The following DCC variants were observed in gnomAD, a reference collection of about 807,000 sequenced individuals.
DCC encodes DCC netrin 1 receptor.
DCC carries 58 observed loss-of-function variants against 172.5 expected under a neutral mutation model. The observed-to-expected ratio is 0.34, with a 90% CI of 0.27 to 0.42. The LOEUF (loss-of-function observed/expected upper bound fraction) is 0.42, where lower values mean the gene tolerates loss of function less well. Ranked by LOEUF, DCC falls within the 10% of genes least tolerant of loss-of-function variation. DCC has a pLI of 1.00. For missense variants in DCC, 1,740 were observed against 1,791.0 expected (o/e 0.97, Z 0.51); for synonymous variants, 709 against 644.5 (o/e 1.10, Z -1.52).
chr18:52,708,124 T>C (rs114260902), intron 1 of DCC, among the ~76,000 whole-genome samples: 3,380 of 152,234 alleles, frequency 0.022, 121 homozygotes, highest in African/African-American at 0.076. Context: ...TATACAACTT[T>C]TATTTGTCAA....
intron 1 of DCC, among the ~76,000 whole-genome samples, chr18:52,722,976 G>A (rs886937382): frequency 6.6e-6 from 1 of 152,162 alleles, no homozygotes; most frequent in Non-Finnish European, 1.5e-5. Flanking sequence ...GTTTGGTTAG[G>A]TATGCAACTC....
chr18:52,934,491 G>T (rs1480500435), intron 5 of DCC, among the ~76,000 whole-genome samples: 1 of 151,896 alleles, frequency 6.6e-6, no homozygotes, highest in Non-Finnish European at 1.5e-5. Flanking sequence ...TTTTATCTAT[G>T]TTATCTGAGT....
At chr18:53,301,975 T>C (rs1405906538) in intron 12 of DCC, among the ~76,000 whole-genome samples, 2 of 152,186 alleles carry the variant, frequency 1.3e-5, no homozygotes, top group Non-Finnish European at 2.9e-5. Context: ...AAGCTAGAAG[T>C]CCAAGATCAA....
chr18:53,173,221 C>G (rs2055039701), intron 8 of DCC, among the ~76,000 whole-genome samples: 1 of 152,066 alleles, frequency 6.6e-6, no homozygotes, highest in Non-Finnish European at 1.5e-5. Context: ...CTTAGCCTTA[C>G]CTACTTTAGA....
chr18:52,993,692 G>T (rs552263675), intron 5 of DCC, among the ~76,000 whole-genome samples: 1 of 152,198 alleles, frequency 6.6e-6, no homozygotes, highest in African/African-American at 2.4e-5. Context: ...TATGGATTGG[G>T]GACACATAGT....
chr18:52,664,476 C>CTTTTTTTTTTTTT (rs374796439), intron 1 of DCC, among the ~76,000 whole-genome samples: 1 of 112,464 alleles, frequency 8.9e-6, no homozygotes, highest in Non-Finnish European at 1.7e-5. Context: ...TTTTCTTTTT[C>CTTTTTTTTTTTTT]TTTTTTTTTT....
chr18:52,875,363 G>A (rs1156338739), intron 2 of DCC, among the ~76,000 whole-genome samples: 1 of 151,994 alleles, frequency 6.6e-6, no homozygotes, highest in Non-Finnish European at 1.5e-5. Context: ...AGCACTAAAT[G>A]TAACTTGTCT....
At chr18:53,172,438 C>A (rs189828790) in intron 8 of DCC, among the ~76,000 whole-genome samples, 317 of 152,204 alleles carry the variant, frequency 2.1e-3, no homozygotes, top group African/African-American at 7.4e-3. Flanking sequence ...CCGTGTAACA[C>A]ATTTTCACAT....
intron 5 of DCC, among the ~76,000 whole-genome samples, chr18:53,017,057 T>TG (rs2041816249): frequency 9.0e-6 from 1 of 111,458 alleles, no homozygotes; most frequent in Non-Finnish European, 2.2e-5. Flanking sequence ...AATCATGGTA[T>TG]GTTTTTTTTT....
intron 1 of DCC, among the ~76,000 whole-genome samples, chr18:52,404,617 C>G (rs1380447450): frequency 6.6e-6 from 1 of 151,348 alleles, no homozygotes; most frequent in African/African-American, 2.4e-5. Flanking sequence ...CAGATTTCTA[C>G]TTTGCAGCCC....
intron 7 of DCC, among the ~76,000 whole-genome samples, chr18:53,129,687 A>G (rs2043622123): frequency 6.6e-6 from 1 of 152,070 alleles, no homozygotes; most frequent in Non-Finnish European, 1.5e-5. Context: ...GCTGAGTAGT[A>G]TTCAATTACA....
At chr18:52,727,855 C>A (rs559916999) in intron 1 of DCC, among the ~76,000 whole-genome samples, 1 of 152,208 alleles carries the variant, frequency 6.6e-6, no homozygotes, top group South Asian at 2.1e-4. Context: ...TTTAAAATAT[C>A]TTTGGGTTTT....
At chr18:52,832,352 T>C (rs1462158421) in intron 2 of DCC, among the ~76,000 whole-genome samples, 1 of 152,140 alleles carries the variant, frequency 6.6e-6, no homozygotes, top group Non-Finnish European at 1.5e-5. Flanking sequence ...AAATGAGAAC[T>C]CTATTGTGGG....
At chr18:53,511,362 A>G (rs2046249377) in intron 27 of DCC, among the ~76,000 whole-genome samples, 2 of 152,210 alleles carry the variant, frequency 1.3e-5, no homozygotes, top group South Asian at 2.1e-4. Context: ...TGAAACAGAC[A>G]GTAGAGAGGT....
intron 9 of DCC, among the ~76,000 whole-genome samples, chr18:53,198,062 A>C (rs903845202): frequency 1.3e-5 from 2 of 152,154 alleles, no homozygotes; most frequent in African/African-American, 4.8e-5. Flanking sequence ...CATTTGATTA[A>C]AAGTTGAAGA....
At chr18:52,522,032 T>C (rs1144062) in intron 1 of DCC, among the ~76,000 whole-genome samples, 38,471 of 152,016 alleles carry the variant, frequency 0.25, 5,123 homozygotes, top group African/African-American at 0.33. Context: ...AGCAATGGAA[T>C]AGAAATGCCC....
intron 5 of DCC, among the ~76,000 whole-genome samples, chr18:53,047,268 A>G (rs1364641388): frequency 5.6e-5 from 1 of 17,824 alleles, no homozygotes; most frequent in Non-Finnish European, 1.1e-4. Context: ...ATATATATAT[A>G]TATATATATA....
rs1241426181 is a variant in DCC, at chr18:52,517,546, A to G, written c.91+176668A>G. Among the ~76,000 whole-genome samples, 3 of 152,364 alleles carry G rather than the reference A, an allele frequency of 2.0e-5. No individual in the cohort carries two copies. In the Middle Eastern group the frequency reaches 0.01, roughly 518 times the overall value. Reference sequence around the variant, plus strand: ...CATATCTAAACATCCAAGTTGTACCAAATAGCAACTCCTTAGGTCCAATTT... The same window carrying G: ...CATATCTAAACATCCAAGTTGTACCGAATAGCAACTCCTTAGGTCCAATTT... On this transcript the variant is annotated intron_variant, in intron 1 of 28. Transcript: ENST00000442544.
intron 1 of DCC, among the ~76,000 whole-genome samples, chr18:52,634,785 C>T (rs1008214938): frequency 5.3e-5 from 8 of 152,082 alleles, no homozygotes; most frequent in African/African-American, 1.7e-4. Context: ...CTTTTTCCCC[C>T]TTCTGTTTCT....
Sources: gnomAD v4.1 joint callset for allele counts (sites outside exome capture counted in the v4.1 genomes callset) on GRCh38, gnomAD v4.1.1 for gene constraint, MANE v1.5 for transcripts, NCBI Gene and HGNC (gene_info 2026-07-23, HGNC 2026-07-21) for gene names.